Variants in PTBP2 observed in about 807,000 individuals in gnomAD.
The protein encoded by PTBP2 is polypyrimidine tract-binding protein 2.
A neutral mutation model predicts 61.4 loss-of-function variants in PTBP2; 13 were observed. That is an observed-to-expected ratio of 0.21 (90% CI 0.14 to 0.34). The LOEUF (loss-of-function observed/expected upper bound fraction) is 0.34, where lower values mean the gene tolerates loss of function less well. PTBP2 is among the 10% of genes least tolerant of loss of function. The pLI is 1.00. For missense variants in PTBP2, 405 were observed against 642.6 expected (o/e 0.63, Z 4.00); for synonymous variants, 215 against 218.5 (o/e 0.98, Z 0.14).
intron 3 of PTBP2, among the ~76,000 whole-genome samples, chr1:96,761,346 A>ATATGTGTGTGTGTGTG (rs375632927): frequency 7.1e-6 from 1 of 140,480 alleles, no homozygotes; most frequent in African/African-American, 2.6e-5. Context: ...GTGGGATTTG[A>ATATGTGTGTGTGTGTG]TGTGTGTGTG....
In PTBP2 at chr1:96,769,805, C is replaced by G. The variant is rs986626333; in HGVS notation, c.218C>G (p.Thr73Ser). The G allele has an allele frequency of 6.2e-7, 1 of 1,612,196 alleles. No individual in the cohort carries two copies. The highest frequency in any genetic ancestry group is 1.7e-5 in the Admixed American group (1 of 59,864). ...IRKLPGEVTE[T>S]EVIALGLPFG... ...AAATTACCTGGGGAAGTAACAGAAACTGAAGTTATTGCTTTAGGCTTACCT... is the reference window on the plus strand; with the variant it reads ...AAATTACCTGGGGAAGTAACAGAAAGTGAAGTTATTGCTTTAGGCTTACCT... Residue 73 changes from threonine to serine, a missense_variant, in exon 4 of 14, where the codon ACT becomes AGT. Physicochemically the swap from Thr to Ser is moderately conservative, Grantham distance 58. This residue lies in a region of PTBP2 where 342 missense variants were observed against 491.2 expected (regional missense o/e 0.70). Coordinates refer to ENST00000674951, the MANE Select transcript of PTBP2 (RefSeq NM_021190.4).
intron 8 of PTBP2, among the ~76,000 whole-genome samples, chr1:96,797,221 G>A (rs560613448): frequency 1.3e-5 from 2 of 152,292 alleles, no homozygotes; most frequent in East Asian, 1.9e-4. Flanking sequence ...GTGCGGTGAG[G>A]TAGAGTGGCA....
intron 2 of PTBP2, among the ~76,000 whole-genome samples, chr1:96,725,504 T>A (rs1053365522): frequency 1.3e-5 from 2 of 151,948 alleles, no homozygotes; most frequent in Non-Finnish European, 2.9e-5. Context: ...TTTCACCGTG[T>A]TAGCCAGGAT....
At position 96,770,835 on chromosome 1, in the gene PTBP2, A is replaced by T; in HGVS notation, c.416A>T (p.Asp139Val). ...QYSNHKELKT[D>V]NTLNQRAQAV... ...TCGAATCACAAAGAACTAAAGACAG[A>T]TAATACATTAAACCAAGTAAGTATG... Residue 139 changes from aspartate to valine, a missense_variant, in exon 5 of 14, where the codon GAT becomes GTT. This residue lies in a region of PTBP2 where 342 missense variants were observed against 491.2 expected (regional missense o/e 0.70). Coordinates refer to ENST00000674951, the MANE Select transcript of PTBP2 (RefSeq NM_021190.4). 2 of 1,579,520 alleles carry T rather than the reference A, an allele frequency of 1.3e-6. No homozygotes were observed. Among genetic ancestry groups the T allele is most frequent in the Non-Finnish European group, 1.7e-6 (2 of 1,148,864 alleles).
chr1:96,759,556 T>C (rs943356464), intron 3 of PTBP2, among the ~76,000 whole-genome samples: 5 of 152,090 alleles, frequency 3.3e-5, no homozygotes, highest in Non-Finnish European at 7.4e-5. Flanking sequence ...AACAATGAGA[T>C]TAATTATATA....
intron 2 of PTBP2, among the ~76,000 whole-genome samples, chr1:96,745,698 G>GAT (rs778513800): frequency 6.6e-6 from 1 of 151,940 alleles, no homozygotes; most frequent in Non-Finnish European, 1.5e-5. Flanking sequence ...TCATTGCTGT[G>GAT]ATATACTCTT....
downstream of PTBP2, chr1:96,817,692 T>G (rs1211353141): frequency 6.6e-6 from 1 of 152,060 alleles, no homozygotes; most frequent in East Asian, 1.9e-4. Context: ...CATATGAACC[T>G]CTTTCTGATC....
chr1:96,755,602 A>C (rs1000749519), intron 3 of PTBP2, among the ~76,000 whole-genome samples: 1 of 152,226 alleles, frequency 6.6e-6, no homozygotes, highest in African/African-American at 2.4e-5. Flanking sequence ...ACTAATAAGT[A>C]GATTCCTGTT....
At chr1:96,726,074 C>CAAAAAAAAAAAAAAAAAAAA (rs762152365) in intron 2 of PTBP2, among the ~76,000 whole-genome samples, 2 of 54,190 alleles carry the variant, frequency 3.7e-5, no homozygotes, top group Non-Finnish European at 6.4e-5. Context: ...GACTCTATCT[C>CAAAAAAAAAAAAAAAAAAAA]AAAAAAAAAA....
At chr1:96,746,482 A>C (rs1653780861) in intron 2 of PTBP2, among the ~76,000 whole-genome samples, 1 of 151,988 alleles carries the variant, frequency 6.6e-6, no homozygotes, top group African/African-American at 2.4e-5. Context: ...AATTCTGTTA[A>C]ATGCCTATTT....
chr1:96,803,763 G>A (rs1443317134), intron 8 of PTBP2, among the ~76,000 whole-genome samples: 1 of 152,180 alleles, frequency 6.6e-6, no homozygotes, highest in Non-Finnish European at 1.5e-5. Context: ...GAAATAAAAT[G>A]TGAACTTATG....
At chr1:96,731,065 G>C (rs1570703255) in intron 2 of PTBP2, among the ~76,000 whole-genome samples, 1 of 151,944 alleles carries the variant, frequency 6.6e-6, no homozygotes, top group South Asian at 2.1e-4. Context: ...CTCATTCTTT[G>C]TTAATGACAA....
chr1:96,818,129 T>G (rs753034666), downstream of PTBP2: 10 of 152,184 alleles, frequency 6.6e-5, no homozygotes, highest in African/African-American at 1.9e-4. Context: ...AGCCACCCGT[T>G]TTGCACTTCT....
intron 2 of PTBP2, among the ~76,000 whole-genome samples, chr1:96,724,835 A>G (rs1650167327): frequency 6.6e-6 from 1 of 152,102 alleles, no homozygotes; most frequent in Non-Finnish European, 1.5e-5. Context: ...GTACTCATGT[A>G]CCCTAAAACT....
At position 96,781,664 on chromosome 1, in the gene PTBP2, T is replaced by C. The variant is rs186659668; in HGVS notation, c.709-3395T>C. ...TTCAACTAGATTAGATCCCTTCCTTTCTTAGTTCTCAGTATCACACATAAA... is the reference window on the plus strand; with the variant it reads ...TTCAACTAGATTAGATCCCTTCCTTCCTTAGTTCTCAGTATCACACATAAA... On this transcript the variant is annotated intron_variant, in intron 7 of 13. Coordinates refer to ENST00000674951, the MANE Select transcript of PTBP2 (RefSeq NM_021190.4). Among the ~76,000 whole-genome samples, 349 of 152,134 alleles carry C rather than the reference T, an allele frequency of 2.3e-3. 3 individuals carry two copies. Among genetic ancestry groups the C allele is most frequent in the Middle Eastern group, 0.01 (3 of 294 alleles).
In PTBP2 at chr1:96,814,487, T is replaced by C. The variant is rs571263986; in HGVS notation, c.*1082T>C. On this transcript the variant is annotated 3_prime_UTR_variant, in exon 14 of 14. Transcript: ENST00000674951. Reference sequence around the variant, plus strand: ...TCTTAATTTACCTTGCATTGTAATATTCAGTTTTAATAAATCTTCAAAATA... The same window carrying C: ...TCTTAATTTACCTTGCATTGTAATACTCAGTTTTAATAAATCTTCAAAATA... 2 of 152,566 alleles carry C rather than the reference T, an allele frequency of 1.3e-5. No individual in the cohort carries two copies. Among genetic ancestry groups the C allele is most frequent in the Non-Finnish European group, 2.9e-5 (2 of 67,978 alleles). The allele number at this position is 152,566 out of a possible 1,614,324, so 9.5% of individuals were successfully genotyped here.
chr1:96,721,802 G>T lies in PTBP2; in HGVS notation c.-63G>T, dbSNP rs1018696898. On this transcript the variant is annotated 5_prime_UTR_variant, in exon 1 of 14. Coordinates refer to ENST00000674951, the MANE Select transcript of PTBP2 (RefSeq NM_021190.4). ...GGGCCCCAGCCGCCATTTTCTCGCCGCTTGTGTGGCTCGCTGGCTGCGTGG... is the reference window on the plus strand; with the variant it reads ...GGGCCCCAGCCGCCATTTTCTCGCCTCTTGTGTGGCTCGCTGGCTGCGTGG... 6.5e-7 allele frequency: 1 copy of T among 1,549,784 alleles called. No individual in the cohort carries two copies. Among genetic ancestry groups the T allele is most frequent in the Non-Finnish European group, 8.7e-7 (1 of 1,145,578 alleles).
At chr1:96,816,694 C>G (rs142997116), downstream of PTBP2, 74 of 152,218 alleles carry the variant, frequency 4.9e-4, no homozygotes, top group African/African-American at 1.7e-3. Flanking sequence ...TAGCTTAATT[C>G]ATTCATGTAC....
chr1:96,762,811 C>T (rs887631933), intron 3 of PTBP2, among the ~76,000 whole-genome samples: 57 of 151,712 alleles, frequency 3.8e-4, no homozygotes, highest in Non-Finnish European at 6.3e-4. Flanking sequence ...AGGGGCTCCT[C>T]ACTTCTCAGA....
Sources: allele counts gnomAD v4.1 joint callset (sites outside exome capture counted in the v4.1 genomes callset), GRCh38; gene constraint gnomAD v4.1.1; regional missense constraint gnomAD v4.1.1; transcripts MANE v1.5; gene names NCBI Gene and HGNC (gene_info 2026-07-23, HGNC 2026-07-21).